Variants in CNTN4 observed in about 807,000 individuals in gnomAD.
CNTN4 encodes contactin-4.
Under a neutral mutation model 122.5 loss-of-function variants are expected in CNTN4, and 77 were observed. That is an observed-to-expected ratio of 0.63 (90% CI 0.52 to 0.76). CNTN4 has a LOEUF of 0.76. Ranked by LOEUF, CNTN4 falls within the 30% of genes least tolerant of loss-of-function variation. The pLI, the probability that CNTN4 is intolerant of heterozygous loss-of-function variation, is 0.00. For missense variants in CNTN4, 1,256 were observed against 1,259.1 expected, an observed-to-expected ratio of 1.00 and a Z score of 0.04; for synonymous variants, 512 against 447.0, an observed-to-expected ratio of 1.15 and a Z score of -1.83.
chr3:2,934,820 G>A lies in CNTN4; in HGVS notation c.1358+9041G>A, dbSNP rs902842207. Among the ~76,000 whole-genome samples, 5 of 152,264 alleles carry A rather than the reference G, an allele frequency of 3.3e-5. No homozygotes were observed. In the East Asian group the frequency reaches 9.6e-4, roughly 29 times the overall value. On this transcript the variant is annotated intron_variant, in intron 13 of 24. Coordinates refer to ENST00000418658, the MANE Select transcript of CNTN4 (RefSeq NM_175607.3). ...AGGCAAAACAACATCAAAGCAACAG[G>A]AGCGTCATTGCTCTAGTTAGAATCT...
intron 4 of CNTN4, among the ~76,000 whole-genome samples, chr3:2,731,365 G>T (rs7626866): frequency 1.3e-5 from 2 of 151,882 alleles, no homozygotes; most frequent in Non-Finnish European, 2.9e-5. Flanking sequence ...ATGGAACTTT[G>T]CAGAACACTG....
chr3:3,030,327 G>A (rs1215549319), intron 15 of CNTN4, among the ~76,000 whole-genome samples: 1 of 152,182 alleles, frequency 6.6e-6, no homozygotes, highest in African/African-American at 2.4e-5. Context: ...TTCCACACTA[G>A]GTGATGCGAG....
At chr3:2,145,703 A>G (rs1254238518) in intron 2 of CNTN4, among the ~76,000 whole-genome samples, 1 of 152,234 alleles carries the variant, frequency 6.6e-6, no homozygotes, top group African/African-American at 2.4e-5. Context: ...AGCATTATAC[A>G]TGAAATGAAA....
chr3:2,321,997 T>G (rs1466523488), intron 2 of CNTN4, among the ~76,000 whole-genome samples: 4 of 152,178 alleles, frequency 2.6e-5, no homozygotes, highest in Non-Finnish European at 5.9e-5. Flanking sequence ...TACCAACACC[T>G]GTAGTTATTT....
intron 6 of CNTN4, among the ~76,000 whole-genome samples, chr3:2,782,465 C>CTGTGTGTGTGTGTGTG (rs137927481): frequency 9.8e-5 from 13 of 133,212 alleles, no homozygotes; most frequent in Non-Finnish European, 1.4e-4. Context: ...CCTTCTTATT[C>CTGTGTGTGTGTGTGTG]TGTGTGTGTG....
At chr3:2,563,918 A>G (rs761192241) in intron 3 of CNTN4, among the ~76,000 whole-genome samples, 79 of 151,810 alleles carry the variant, frequency 5.2e-4, no homozygotes, top group Non-Finnish European at 6.6e-4. Context: ...AACAAGTACT[A>G]TAAAAAAAAA....
At chr3:2,589,731 C>T (rs534073789) in intron 4 of CNTN4, among the ~76,000 whole-genome samples, 1 of 152,196 alleles carries the variant, frequency 6.6e-6, no homozygotes, top group Non-Finnish European at 1.5e-5. Context: ...GCTAGAGCAC[C>T]CACTTTCAAG....
intron 4 of CNTN4, among the ~76,000 whole-genome samples, chr3:2,591,235 T>C (rs530013126): frequency 6.6e-6 from 1 of 152,312 alleles, no homozygotes; most frequent in African/African-American, 2.4e-5. Flanking sequence ...AATAAATTTT[T>C]GAATATATGA....
At chr3:2,857,657 C>T (rs901675841) in intron 7 of CNTN4, among the ~76,000 whole-genome samples, 10 of 152,174 alleles carry the variant, frequency 6.6e-5, no homozygotes, top group East Asian at 1.9e-4. Context: ...GGTTCACTGC[C>T]GCCTTGACCT....
At chr3:2,852,657 G>A (rs2093566317) in intron 7 of CNTN4, among the ~76,000 whole-genome samples, 1 of 152,134 alleles carries the variant, frequency 6.6e-6, no homozygotes, top group Non-Finnish European at 1.5e-5. Flanking sequence ...TTGAGTCTTA[G>A]ATATGTTAAG....
chr3:3,054,729 A>C (rs1028365718), intron 24 of CNTN4, among the ~76,000 whole-genome samples: 1 of 152,188 alleles, frequency 6.6e-6, no homozygotes, highest in South Asian at 2.1e-4. Flanking sequence ...CTGGGTCTTC[A>C]TTTGGGGTGA....
intron 13 of CNTN4, among the ~76,000 whole-genome samples, chr3:2,952,077 G>A (rs1215824640): frequency 6.6e-6 from 1 of 152,158 alleles, no homozygotes; most frequent in Non-Finnish European, 1.5e-5. Context: ...CCCAAATTCT[G>A]GTGAAAAGTT....
chr3:2,185,641 A>T (rs964487098), intron 2 of CNTN4, among the ~76,000 whole-genome samples: 2 of 152,136 alleles, frequency 1.3e-5, no homozygotes, highest in East Asian at 3.9e-4. Flanking sequence ...CCCGGCTCTC[A>T]GTCTGTGCCT....
intron 3 of CNTN4, among the ~76,000 whole-genome samples, chr3:2,552,873 T>C (rs2078569315): frequency 6.6e-6 from 1 of 152,136 alleles, no homozygotes; most frequent in Non-Finnish European, 1.5e-5. Context: ...AGATGGTCTA[T>C]GAGGAAGGTG....
intron 2 of CNTN4, among the ~76,000 whole-genome samples, chr3:2,305,218 G>A (rs1424826128): frequency 1.3e-5 from 2 of 152,262 alleles, no homozygotes; most frequent in African/African-American, 2.4e-5. Flanking sequence ...CTGGGCAGCT[G>A]TCAGCCTAGC....
rs376320937 is a variant in CNTN4, at chr3:2,305,678, G to A, written c.-144-33500G>A. Among the ~76,000 whole-genome samples the A allele has an allele frequency of 5.5e-4, 84 of 152,086 alleles. 2 individuals are homozygous for A. Among genetic ancestry groups the A allele is most frequent in the African/African-American group, 1.4e-4 (6 of 41,504 alleles). On this transcript the variant is annotated intron_variant, in intron 2 of 24. Coordinates refer to ENST00000418658, the MANE Select transcript of CNTN4 (RefSeq NM_175607.3). ...GATAAACATAACCTTTTTAAAGTAC[G>A]CAAGTCAGTGGTTTGTAGTATATTC... is the stretch of plus-strand genomic sequence containing the variant.
At chr3:2,698,770 C>T (rs1361046381) in intron 4 of CNTN4, among the ~76,000 whole-genome samples, 1 of 152,170 alleles carries the variant, frequency 6.6e-6, no homozygotes, top group Non-Finnish European at 1.5e-5. Flanking sequence ...GCCTGGCCAA[C>T]ACTTTGGGAG....
intron 14 of CNTN4, among the ~76,000 whole-genome samples, chr3:3,011,842 C>G (rs1278958893): frequency 6.6e-6 from 1 of 152,054 alleles, no homozygotes; most frequent in African/African-American, 2.4e-5. Flanking sequence ...CTGAAGCTTC[C>G]TGCACTTAAA....
At chr3:2,916,138 G>A (rs1279914212) in intron 12 of CNTN4, among the ~76,000 whole-genome samples, 1 of 152,146 alleles carries the variant, frequency 6.6e-6, no homozygotes, top group African/African-American at 2.4e-5. Flanking sequence ...CTACTGTACT[G>A]TACATGTAAA....
Sources: gnomAD v4.1 joint callset for allele counts (sites outside exome capture counted in the v4.1 genomes callset) on GRCh38, gnomAD v4.1.1 for gene constraint, MANE v1.5 for transcripts, NCBI Gene and HGNC (gene_info 2026-07-23, HGNC 2026-07-21) for gene names.